Variants in NTRK3 observed in about 807,000 individuals in gnomAD.
NTRK3 encodes the protein NT-3 growth factor receptor.
NTRK3 carries 24 observed loss-of-function variants against 91.7 expected under a neutral mutation model. The observed-to-expected ratio is 0.26, with a 90% CI of 0.19 to 0.37. NTRK3 has a LOEUF of 0.37. Among genes scored for constraint, NTRK3 ranks in the 10% least tolerant of loss-of-function variants. NTRK3 has a pLI of 1.00. For missense variants in NTRK3, 880 were observed against 1,068.9 expected, an observed-to-expected ratio of 0.82 and a Z score of 2.46; for synonymous variants, 483 against 404.0, an observed-to-expected ratio of 1.20 and a Z score of -2.34.
intron 3 of NTRK3, among the ~76,000 whole-genome samples, chr15:88,217,011 C>A (rs2049836481): frequency 6.6e-6 from 1 of 152,144 alleles, no homozygotes; most frequent in African/African-American, 2.4e-5. Flanking sequence ...CCGATAAGCA[C>A]ATGAAGACAT....
intron 14 of NTRK3, among the ~76,000 whole-genome samples, chr15:87,993,630 G>A (rs2075455419): frequency 6.6e-6 from 1 of 152,144 alleles, no homozygotes; most frequent in African/African-American, 2.4e-5. Context: ...CAAAGGCCTA[G>A]AAAAAGAGTG....
intron 6 of NTRK3, among the ~76,000 whole-genome samples, chr15:88,139,148 A>C (rs2042149457): frequency 6.6e-6 from 1 of 152,212 alleles, no homozygotes; most frequent in Admixed American, 6.5e-5. Context: ...AGAATGTTTG[A>C]TAGGGGAAGA....
Position 87,930,539 on chromosome 15 carries a change from G to A in NTRK3, c.1890-1105C>T, listed in dbSNP as rs553489684. Among the ~76,000 whole-genome samples, 9 of 152,268 alleles carry A rather than the reference G, an allele frequency of 5.9e-5. No individual in the cohort carries two copies. The South Asian group carries it at 1.9e-3, about 32-fold the overall frequency. On this transcript the variant is annotated intron_variant, in intron 16 of 18. Coordinates refer to ENST00000394480, the Ensembl canonical transcript of NTRK3. ...ATCAGCTCACAAGGAAGAGGGGTCA[G>A]CAGAGAAGCCCTCCCTTCTGTCTGC...
intron 14 of NTRK3, among the ~76,000 whole-genome samples, chr15:87,941,717 C>T (rs1002617344): frequency 2.6e-5 from 4 of 152,196 alleles, no homozygotes; most frequent in African/African-American, 9.7e-5. Context: ...GTTGCCCCTG[C>T]CTCTGCTAAT....
intron 14 of NTRK3, among the ~76,000 whole-genome samples, chr15:88,026,510 G>A (rs530077042): frequency 2.6e-4 from 39 of 152,234 alleles, no homozygotes; most frequent in South Asian, 1.5e-3. Context: ...GGAGGACAGC[G>A]GACATTTTGG....
intron 14 of NTRK3, among the ~76,000 whole-genome samples, chr15:88,020,805 C>A (rs889927564): frequency 1.3e-5 from 2 of 152,172 alleles, no homozygotes; most frequent in Non-Finnish European, 1.5e-5. Flanking sequence ...AAAAAGGATC[C>A]TCTGTAACCC....
intron 14 of NTRK3, among the ~76,000 whole-genome samples, chr15:87,969,237 G>A (rs1319227649): frequency 6.6e-6 from 1 of 152,132 alleles, no homozygotes; most frequent in African/African-American, 2.4e-5. Flanking sequence ...GGGGCCTTCC[G>A]AATCCCTGCT....
At chr15:87,933,743 T>G (rs1456868348) in intron 15 of NTRK3, among the ~76,000 whole-genome samples, 1 of 152,232 alleles carries the variant, frequency 6.6e-6, no homozygotes, top group African/African-American at 2.4e-5. Flanking sequence ...CTTTGACCTC[T>G]GGAAGACACC....
chr15:88,255,279 A>G lies in NTRK3; in HGVS notation c.248+627T>C, dbSNP rs763756537. 1.4e-4 allele frequency among the ~76,000 whole-genome samples: 22 copies of G among 152,088 alleles called. No homozygotes were observed. The highest frequency in any genetic ancestry group is 3.2e-4 in the Non-Finnish European group (22 of 68,014). The stretch of plus-strand genomic sequence containing the variant: ...GGAAATGCCCAAAATGGGGCTGGAG[A>G]GGGCGGGCTGCAGGAGGGGAAGGGA... On this transcript the variant is annotated intron_variant, in intron 3 of 18. Transcript: ENST00000394480. This position sits in a 1 kb window ranked among gnomAD's most constrained non-coding sequence, Gnocchi z 4.3.
exon 19 of NTRK3, chr15:87,863,693 A>C (rs1201133324): frequency 8.8e-6 from 2 of 226,796 alleles, no homozygotes; most frequent in Non-Finnish European, 8.8e-6. Flanking sequence ...GATTGTAAAC[A>C]GATGCACCAT....
At chr15:87,888,182 T>A (rs894377372) in intron 17 of NTRK3, among the ~76,000 whole-genome samples, 1 of 152,032 alleles carries the variant, frequency 6.6e-6, no homozygotes, top group Non-Finnish European at 1.5e-5. Context: ...TTTGAAAAAT[T>A]TGGGAGGCTG....
chr15:87,996,198 C>T (rs898415221), intron 14 of NTRK3, among the ~76,000 whole-genome samples: 13 of 152,082 alleles, frequency 8.5e-5, no homozygotes, highest in Admixed American at 2.0e-4. Flanking sequence ...GAGGTGAGAT[C>T]GCACCACTGC....
intron 13 of NTRK3, among the ~76,000 whole-genome samples, chr15:88,065,257 G>A (rs898000101): frequency 6.6e-6 from 1 of 152,146 alleles, no homozygotes; most frequent in East Asian, 1.9e-4. Flanking sequence ...CCACCACCAG[G>A]AGCATCCAAC....
chr15:88,064,698 C>G (rs1425697774), intron 13 of NTRK3, among the ~76,000 whole-genome samples: 1 of 152,110 alleles, frequency 6.6e-6, no homozygotes, highest in Admixed American at 6.6e-5. Flanking sequence ...ATGACAGAAC[C>G]AAGGAGCTTT....
At chr15:87,956,787 G>T (rs1439984065) in intron 14 of NTRK3, among the ~76,000 whole-genome samples, 1 of 151,744 alleles carries the variant, frequency 6.6e-6, no homozygotes, top group East Asian at 1.9e-4. Flanking sequence ...GGCCAGGCTG[G>T]TCTGGAACTC....
intron 17 of NTRK3, among the ~76,000 whole-genome samples, chr15:87,880,887 T>G (rs2065206319): frequency 6.6e-6 from 1 of 152,238 alleles, no homozygotes; most frequent in African/African-American, 2.4e-5. Flanking sequence ...AGCTTCTAAC[T>G]GACAATCTCG....
chr15:88,039,470 C>T (rs1390599970), intron 13 of NTRK3, among the ~76,000 whole-genome samples: 1 of 152,110 alleles, frequency 6.6e-6, no homozygotes, highest in Non-Finnish European at 1.5e-5. Context: ...TGGAGAAACT[C>T]GATGGCCCTG....
chr15:88,114,150 G>T (rs1410898843), intron 13 of NTRK3, among the ~76,000 whole-genome samples: 1 of 152,158 alleles, frequency 6.6e-6, no homozygotes, highest in African/African-American at 2.4e-5. Context: ...CACCACAAAG[G>T]GGCAGATGGA....
intron 3 of NTRK3, among the ~76,000 whole-genome samples, chr15:88,244,384 C>T (rs902275271): frequency 4.6e-5 from 7 of 152,152 alleles, no homozygotes; most frequent in South Asian, 2.1e-4. Context: ...AATTAAATAA[C>T]GTGCTCACAG....
Sources: allele counts gnomAD v4.1 joint callset (sites outside exome capture counted in the v4.1 genomes callset), GRCh38; gene constraint gnomAD v4.1.1; non-coding constraint Gnocchi (gnomAD v3.1); transcripts MANE v1.5; gene names NCBI Gene and HGNC (gene_info 2026-07-23, HGNC 2026-07-21).